The following ANK3 variants were observed in gnomAD, a reference collection of about 807,000 sequenced individuals.
ANK3 encodes the protein ankyrin 3.
Under a neutral mutation model 370.9 loss-of-function variants are expected in ANK3, and 57 were observed. That is an observed-to-expected ratio of 0.15 (90% CI 0.12 to 0.19). ANK3 has a LOEUF of 0.19. ANK3 is among the 10% of genes least tolerant of loss of function. The probability of loss-of-function intolerance (pLI) is 1.00; values close to 1 mark genes in which losing one functional copy is unlikely to be tolerated. For missense variants in ANK3, 4,439 were observed against 5,302.1 expected (o/e 0.84, Z 5.06); for synonymous variants, 1,929 against 1,946.3 (o/e 0.99, Z 0.23).
chr10:60,064,303 G>C lies in ANK3; in HGVS notation c.12320-15C>G. 1.3e-6 allele frequency: 2 copies of C among 1,558,060 alleles called. No individual in the cohort carries two copies. Among genetic ancestry groups the C allele is most frequent in the Non-Finnish European group, 1.7e-6 (2 of 1,163,654 alleles). ...CCTTGCCAGTTCTGTAGAAAAGAAA[G>C]AGAGTTACTAAGATTGCATATTCTA... On this transcript the variant is annotated splice_polypyrimidine_tract_variant and intron_variant, in intron 38 of 43. Coordinates refer to ENST00000280772, the MANE Select transcript of ANK3 (RefSeq NM_020987.5).
At position 60,114,351 on chromosome 10, in the gene ANK3, A is replaced by G. The variant is rs369071849; in HGVS notation, c.2842-20T>C. 7.2e-7 allele frequency: 1 copy of G among 1,381,018 alleles called. No individual in the cohort carries two copies. Among genetic ancestry groups the G allele is most frequent in the African/African-American group, 1.4e-5 (1 of 69,952 alleles). 85.5% of individuals were successfully genotyped at this position (1,381,018 alleles called of 1,614,324 possible). On this transcript the variant is annotated intron_variant, in intron 25 of 43. Coordinates refer to ENST00000280772, the MANE Select transcript of ANK3 (RefSeq NM_020987.5). Reference sequence around the variant, plus strand: ...TAGATGCTGAAAAATAAAATGGTAAATTAAATTACATCAACAAACCATACA... The same window carrying G: ...TAGATGCTGAAAAATAAAATGGTAAGTTAAATTACATCAACAAACCATACA...
intron 2 of ANK3, among the ~76,000 whole-genome samples, chr10:60,542,464 T>C (rs1329450596): frequency 6.6e-6 from 1 of 151,980 alleles, no homozygotes; most frequent in Non-Finnish European, 1.5e-5. Context: ...TATTTCGTTT[T>C]TGTTTTTCTA....
chr10:60,708,045 T>C (rs1279113449), intron 1 of ANK3, among the ~76,000 whole-genome samples: 1 of 152,160 alleles, frequency 6.6e-6, no homozygotes, highest in Non-Finnish European at 1.5e-5. Flanking sequence ...GGACATGAAC[T>C]TCCCATGTCT....
intron 1 of ANK3, among the ~76,000 whole-genome samples, chr10:60,297,173 C>T (rs1037485835): frequency 6.6e-6 from 1 of 151,966 alleles, no homozygotes; most frequent in Non-Finnish European, 1.5e-5. Context: ...GAAACATATC[C>T]AGATTCTGAA....
intron 1 of ANK3, among the ~76,000 whole-genome samples, chr10:60,640,911 T>G (rs1420672047): frequency 2.5e-5 from 2 of 78,810 alleles, no homozygotes; most frequent in African/African-American, 8.2e-5. Flanking sequence ...GCCCAAAATC[T>G]CCTTAAGCTG....
intron 1 of ANK3, among the ~76,000 whole-genome samples, chr10:60,378,074 C>CA (rs1452327244): frequency 1.3e-5 from 2 of 152,076 alleles, no homozygotes; most frequent in Non-Finnish European, 1.5e-5. Flanking sequence ...ACTTTTTATT[C>CA]ATTGCTTCTA....
At chr10:60,032,194 CTTTTT>C (rs552219776) in intron 43 of ANK3, among the ~76,000 whole-genome samples, 26 of 43,126 alleles carry the variant, frequency 6.0e-4, no homozygotes, top group Admixed American at 1.0e-3. Context: ...TACACAGCTT[CTTTTT>C]TTTTTTTTTT....
intron 43 of ANK3, among the ~76,000 whole-genome samples, chr10:60,040,696 C>T (rs144173439): frequency 1.1e-3 from 171 of 152,250 alleles, no homozygotes; most frequent in African/African-American, 4.0e-3. Context: ...ATAGCACTGT[C>T]ATATTTTTTG....
At chr10:60,064,133 TA>T (rs1363311775) in intron 39 of ANK3, 23 bp downstream of exon 39, 1 of 1,540,766 alleles carries the variant, frequency 6.5e-7, no homozygotes, top group Non-Finnish European at 8.7e-7. Flanking sequence ...TTTTGAAAGT[TA>T]AAATAATATA....
At chr10:60,669,134 T>G (rs868256097) in intron 1 of ANK3, among the ~76,000 whole-genome samples, 10 of 152,034 alleles carry the variant, frequency 6.6e-5, no homozygotes, top group African/African-American at 2.4e-4. Context: ...GTCAAACAGG[T>G]TTTTCTCCTT....
chr10:60,273,737 G>C (rs946011126), intron 4 of ANK3, among the ~76,000 whole-genome samples: 1 of 152,288 alleles, frequency 6.6e-6, no homozygotes, highest in East Asian at 1.9e-4. Context: ...TGAATCATGG[G>C]GGGGGTTTCC....
chr10:60,204,141 G>A (rs923223183), intron 11 of ANK3, among the ~76,000 whole-genome samples: 4 of 152,102 alleles, frequency 2.6e-5, no homozygotes, highest in Admixed American at 6.5e-5. Context: ...GAATAATTCC[G>A]GCTGTCCAGA....
chr10:60,584,823 C>G (rs569515449), intron 2 of ANK3, among the ~76,000 whole-genome samples: 25 of 152,250 alleles, frequency 1.6e-4, no homozygotes, highest in African/African-American at 6.0e-4. Flanking sequence ...CATTCCCAAT[C>G]CAGTTTGACG....
chr10:60,170,446 C>T (rs1223572358), intron 21 of ANK3, among the ~76,000 whole-genome samples: 1 of 152,164 alleles, frequency 6.6e-6, no homozygotes, highest in Non-Finnish European at 1.5e-5. Context: ...TACATGTAAC[C>T]GCTAAAGCAA....
chr10:60,172,810 A>G (rs1362080815), intron 20 of ANK3, 90 bp downstream of exon 20: 1 of 783,670 alleles, frequency 1.3e-6, no homozygotes, highest in East Asian at 2.5e-5. Flanking sequence ...ATGCCTCTTC[A>G]TGAAAGTACA....
chr10:60,656,838 G>C (rs1169024310), intron 1 of ANK3, among the ~76,000 whole-genome samples: 3 of 151,870 alleles, frequency 2.0e-5, no homozygotes, highest in Admixed American at 6.6e-5. Flanking sequence ...ACTCACTGCA[G>C]CCTTGATCTC....
chr10:60,667,532 A>G (rs1479109967), intron 1 of ANK3, among the ~76,000 whole-genome samples: 1 of 146,820 alleles, frequency 6.8e-6, no homozygotes, highest in African/African-American at 2.8e-5. Flanking sequence ...TCCATCTCTA[A>G]AGAGACATCA....
intron 11 of ANK3, among the ~76,000 whole-genome samples, chr10:60,203,925 C>A (rs2096722557): frequency 6.6e-6 from 1 of 152,022 alleles, no homozygotes; most frequent in African/African-American, 2.4e-5. Context: ...TGAAATGATT[C>A]CATTTTAAAT....
At position 60,693,919 on chromosome 10, in the gene ANK3, GAGA is replaced by G. The variant is rs772673730; in HGVS notation, c.57+39341_57+39343del. Among the ~76,000 whole-genome samples the G allele has an allele frequency of 2.6e-5, 4 of 152,140 alleles. No homozygotes were observed. The East Asian group carries it at 5.8e-4, about 22-fold the overall frequency. ...ATGGAGAATGACTTTGACGAGCTGA[GAGA>G]AGAAGGCTTCAGACGATCAAATTAC... On this transcript the variant is annotated intron_variant, in intron 1 of 43. Coordinates refer to the ANK3 transcript ENST00000373827.
Sources: allele counts gnomAD v4.1 joint callset (sites outside exome capture counted in the v4.1 genomes callset), GRCh38; gene constraint gnomAD v4.1.1; transcripts MANE v1.5; gene names NCBI Gene and HGNC (gene_info 2026-07-23, HGNC 2026-07-21).